CDH18: variants seen among roughly 807,000 people sequenced by gnomAD.
CDH18 encodes the protein cadherin 18.
In CDH18, 31 loss-of-function variants were observed where a neutral mutation model predicts 67.9. The observed-to-expected ratio is 0.46, with a 90% confidence interval of 0.34 to 0.62. CDH18 has a LOEUF of 0.62. CDH18 is among the 20% of genes least tolerant of loss of function. The pLI is 0.01. For synonymous variants in CDH18, 362 were observed against 347.2 expected, an observed-to-expected ratio of 1.04 and a Z score of -0.48; for missense variants, 890 against 975.5, an observed-to-expected ratio of 0.91 and a Z score of 1.17.
At chr5:19,593,980 CT>C (rs1368913791) in intron 6 of CDH18, among the ~76,000 whole-genome samples, 1 of 151,842 alleles carries the variant, frequency 6.6e-6, no homozygotes, top group Non-Finnish European at 1.5e-5. Flanking sequence ...ATTATCAAGA[CT>C]AACGTCATAA....
chr5:20,466,312 C>T (rs1751630332), intron 1 of CDH18, among the ~76,000 whole-genome samples: 1 of 152,006 alleles, frequency 6.6e-6, no homozygotes, highest in South Asian at 2.1e-4. Flanking sequence ...TAGGCCATGA[C>T]TTATATAATA....
rs75103787 is a variant in CDH18 at position 20,549,959 on chromosome 5, C to A, written c.-580+25503G>T. Among the ~76,000 whole-genome samples, 65 of 152,236 alleles carry A rather than the reference C, an allele frequency of 4.3e-4. No individual in the cohort carries two copies. In the East Asian group the frequency reaches 0.011, roughly 26 times the overall value. On this transcript the variant is annotated intron_variant, in intron 1 of 14. Transcript: ENST00000507958. ...ATATCAGTGACCTTTTTGAGTGGAT[C>A]TTTAATATTGAAATTTTCTAATGTA...
intron 2 of CDH18, among the ~76,000 whole-genome samples, chr5:20,046,690 C>A (rs1023468670): frequency 3.4e-5 from 5 of 148,518 alleles, no homozygotes; most frequent in South Asian, 4.2e-4. Flanking sequence ...ATATATATCT[C>A]TATATATATA....
chr5:20,482,441 G>A (rs1752878357), intron 1 of CDH18, among the ~76,000 whole-genome samples: 3 of 151,908 alleles, frequency 2.0e-5, no homozygotes, highest in South Asian at 2.1e-4. Flanking sequence ...TATGAGGCCA[G>A]TAATACCCTG....
At chr5:20,114,907 G>C (rs149061169) in intron 2 of CDH18, among the ~76,000 whole-genome samples, 1 of 152,270 alleles carries the variant, frequency 6.6e-6, no homozygotes, top group East Asian at 1.9e-4. Context: ...ATCTGTAGTA[G>C]AGGAGAAGAG....
intron 2 of CDH18, among the ~76,000 whole-genome samples, chr5:20,131,206 T>C (rs1006985413): frequency 1.3e-5 from 2 of 152,072 alleles, no homozygotes; most frequent in Non-Finnish European, 2.9e-5. Context: ...TTTGAGAGTT[T>C]GTAAAAAACA....
At chr5:19,650,408 G>A (rs1277085136) in intron 5 of CDH18, among the ~76,000 whole-genome samples, 4 of 152,098 alleles carry the variant, frequency 2.6e-5, no homozygotes, top group Non-Finnish European at 5.9e-5. Context: ...TTTTAAATTC[G>A]TATTGTAGAT....
intron 2 of CDH18, among the ~76,000 whole-genome samples, chr5:20,136,621 T>A (rs1749746124): frequency 6.6e-6 from 1 of 152,182 alleles, no homozygotes; most frequent in Admixed American, 6.6e-5. Context: ...GTGAATTTGA[T>A]CCTTTCATTA....
chr5:19,902,837 C>G (rs1790090152), intron 2 of CDH18, among the ~76,000 whole-genome samples: 1 of 152,124 alleles, frequency 6.6e-6, no homozygotes, highest in Non-Finnish European at 1.5e-5. Context: ...TGGGCCTTAT[C>G]TATCTATATC....
In CDH18 at chr5:19,957,315, T is replaced by A. The variant is rs571491422; in HGVS notation, c.-257+23745A>T. 4.6e-5 allele frequency among the ~76,000 whole-genome samples: 7 copies of A among 151,216 alleles called. No individual in the cohort carries two copies. The South Asian group carries it at 1.5e-3, about 31-fold the overall frequency. On this transcript the variant is annotated intron_variant, in intron 2 of 12. Coordinates refer to ENST00000382275, the MANE Select transcript of CDH18 (RefSeq NM_004934.5). ...ACATGCATATATGTATGTGTATATA[T>A]ATGTTTTATATATGTAATTATAATT...
chr5:20,467,422 G>C (rs1310370464), intron 1 of CDH18, among the ~76,000 whole-genome samples: 5 of 152,086 alleles, frequency 3.3e-5, no homozygotes, highest in Non-Finnish European at 7.4e-5. Context: ...TCAAGATTTA[G>C]CCTTTGGGGT....
intron 6 of CDH18, among the ~76,000 whole-genome samples, chr5:19,596,827 A>C (rs1407394935): frequency 1.3e-5 from 2 of 152,218 alleles, no homozygotes; most frequent in African/African-American, 4.8e-5. Context: ...AAAGGAGTGC[A>C]TTAAGATTAA....
chr5:19,533,360 G>A (rs1748941404), intron 9 of CDH18, among the ~76,000 whole-genome samples: 1 of 152,106 alleles, frequency 6.6e-6, no homozygotes, highest in Admixed American at 6.6e-5. Flanking sequence ...TTGTGCTGAA[G>A]TAGCAAAGTC....
At chr5:20,393,191 G>A (rs546277581) in intron 1 of CDH18, among the ~76,000 whole-genome samples, 4 of 152,024 alleles carry the variant, frequency 2.6e-5, no homozygotes, top group African/African-American at 9.6e-5. Context: ...GATAAAGATA[G>A]TGTGGCTTAG....
At chr5:20,158,872 C>A (rs1018093681) in intron 2 of CDH18, 7 of 202,558 alleles carry the variant, frequency 3.5e-5, no homozygotes, top group Non-Finnish European at 8.2e-5. Flanking sequence ...CAAAAGTTAT[C>A]ATTCCCTGAA....
At chr5:19,652,334 C>A (rs1188744614) in intron 5 of CDH18, among the ~76,000 whole-genome samples, 1 of 151,952 alleles carries the variant, frequency 6.6e-6, no homozygotes, top group Non-Finnish European at 1.5e-5. Context: ...GGATTTAGCT[C>A]AGCATGATGG....
intron 1 of CDH18, among the ~76,000 whole-genome samples, chr5:20,369,599 G>A (rs574644492): frequency 6.6e-6 from 1 of 152,282 alleles, no homozygotes; most frequent in African/African-American, 2.4e-5. Context: ...AAAGAGTTCA[G>A]TTTAGAGAAA....
intron 1 of CDH18, among the ~76,000 whole-genome samples, chr5:20,378,089 CCTAT>C (rs1168816737): frequency 2.0e-5 from 3 of 152,124 alleles, no homozygotes; most frequent in African/African-American, 7.2e-5. Flanking sequence ...AATTGTTTTG[CCTAT>C]CTGTCTGCTT....
intron 2 of CDH18, among the ~76,000 whole-genome samples, chr5:20,034,907 C>A (rs1739717281): frequency 6.6e-6 from 1 of 152,078 alleles, no homozygotes; most frequent in African/African-American, 2.4e-5. Context: ...TATGATTCAA[C>A]AATTATTCAC....
Sources: gnomAD v4.1 joint callset for allele counts (sites outside exome capture counted in the v4.1 genomes callset) on GRCh38, gnomAD v4.1.1 for gene constraint, MANE v1.5 for transcripts, NCBI Gene and HGNC (gene_info 2026-07-23, HGNC 2026-07-21) for gene names.